HMG20A: variants seen among roughly 807,000 people sequenced by gnomAD.
The protein encoded by HMG20A is high mobility group 20A.
Under a neutral mutation model 43.9 loss-of-function variants are expected in HMG20A, and 17 were observed. The ratio of observed to expected loss-of-function variants is 0.39; its 90% CI spans 0.27 to 0.58. The LOEUF (loss-of-function observed/expected upper bound fraction) is 0.58. Ranked by LOEUF, HMG20A falls within the 20% of genes least tolerant of loss-of-function variation. HMG20A has a pLI of 0.59. For synonymous variants in HMG20A, 132 were observed against 147.5 expected (o/e 0.89, Z 0.76); for missense variants, 341 against 438.2 (o/e 0.78, Z 1.98).
At chr15:77,457,006 GAAGT>G (rs1451855834) in intron 1 of HMG20A, among the ~76,000 whole-genome samples, 1 of 152,200 alleles carries the variant, frequency 6.6e-6, no homozygotes, top group Non-Finnish European at 1.5e-5. Context: ...GGTTGAGTGA[GAAGT>G]TCCTCTCTAC....
intron 1 of HMG20A, among the ~76,000 whole-genome samples, chr15:77,449,460 T>A (rs1163563813): frequency 2.0e-5 from 3 of 152,214 alleles, no homozygotes; most frequent in African/African-American, 7.2e-5. Context: ...TGATTGCTTT[T>A]AGCTAAACGT....
intron 1 of HMG20A, among the ~76,000 whole-genome samples, chr15:77,422,154 CTATT>C (rs1248056616): frequency 6.6e-6 from 1 of 152,174 alleles, no homozygotes. Flanking sequence ...AGGAATCAAT[CTATT>C]TGAAGCTTAC....
At chr15:77,461,987 T>G (rs2072709222) in intron 2 of HMG20A, among the ~76,000 whole-genome samples, 1 of 152,174 alleles carries the variant, frequency 6.6e-6, no homozygotes, top group Non-Finnish European at 1.5e-5. Flanking sequence ...CTTACTCTTT[T>G]TTAAAGGACC....
chr15:77,467,536 GC>G (rs1413731676), intron 4 of HMG20A, among the ~76,000 whole-genome samples: 1 of 152,122 alleles, frequency 6.6e-6, no homozygotes, highest in Non-Finnish European at 1.5e-5. Context: ...CTCAACCAAA[GC>G]AACACCACTT....
chr15:77,481,843 AT>A (rs1411140850), intron 9 of HMG20A, among the ~76,000 whole-genome samples: 1 of 152,220 alleles, frequency 6.6e-6, no homozygotes, highest in East Asian at 1.9e-4. Flanking sequence ...GTTTGGCCTC[AT>A]TATACAAATA....
intron 7 of HMG20A, 58 bp downstream of exon 7, chr15:77,477,688 C>T: frequency 2.6e-6 from 3 of 1,159,798 alleles, no homozygotes; most frequent in Admixed American, 1.8e-5. Context: ...ACTTAGTTCT[C>T]AGAAGAAATT....
rs1595925949 is a variant in HMG20A at position 77,464,458 on chromosome 15, T to C, written c.237+71T>C. On this transcript the variant is annotated intron_variant, in intron 3 of 9. Coordinates refer to ENST00000336216, the MANE Select transcript of HMG20A (RefSeq NM_001304504.2). ...AAGAAGCAGTCACAAGGAAGGTGTG[T>C]TGATCAAGGTGTTCATATGACCTTC... 4.0e-6 allele frequency: 6 copies of C among 1,517,242 alleles called. No individual in the cohort carries two copies. In the East Asian group the frequency reaches 1.4e-4, roughly 35 times the overall value. The allele number at this position is 1,517,242 out of a possible 1,614,324, so 94.0% of individuals were successfully genotyped here.
At chr15:77,446,980 G>A (rs912959171) in intron 1 of HMG20A, among the ~76,000 whole-genome samples, 19 of 152,118 alleles carry the variant, frequency 1.2e-4, no homozygotes, top group African/African-American at 4.1e-4. Flanking sequence ...TCTAGAGGGA[G>A]TAAGGCTTTA....
Position 77,420,937 on chromosome 15 carries a change from G to A in HMG20A, c.-72G>A, listed in dbSNP as rs554786031. ...AGTGAAGGCGATTGAGAGGGGCTGAGGGAATTGTCCTCTGTGGAAGGGACT... is the reference window on the plus strand; with the variant it reads ...AGTGAAGGCGATTGAGAGGGGCTGAAGGAATTGTCCTCTGTGGAAGGGACT... On this transcript the variant is annotated 5_prime_UTR_variant, in exon 1 of 10. Transcript: ENST00000336216. 18 of 398,606 alleles carry A rather than the reference G, an allele frequency of 4.5e-5. No individual in the cohort carries two copies. Among genetic ancestry groups the A allele is most frequent in the Admixed American group, 3.5e-4 (8 of 22,722 alleles). The allele number at this position is 398,606 out of a possible 1,614,324, so 24.7% of individuals were successfully genotyped here.
At chr15:77,449,937 G>C (rs540287167) in intron 1 of HMG20A, among the ~76,000 whole-genome samples, 2 of 151,746 alleles carry the variant, frequency 1.3e-5, no homozygotes, top group Admixed American at 1.3e-4. Flanking sequence ...TAAAAATGCC[G>C]TGTTCCACCT....
the HMG20A span, among the ~76,000 whole-genome samples, chr15:77,501,657 A>G: frequency 6.6e-6 from 1 of 152,220 alleles, no homozygotes; most frequent in Non-Finnish European, 1.5e-5. Context: ...CAGCTATTTG[A>G]CATCTCACTT....
chr15:77,498,631 T>A, the HMG20A span, among the ~76,000 whole-genome samples: 1 of 152,210 alleles, frequency 6.6e-6, no homozygotes, highest in Non-Finnish European at 1.5e-5. Flanking sequence ...TTGTTAGCAC[T>A]GGTGCAGCCT....
At chr15:77,440,328 G>A (rs1478006542) in intron 1 of HMG20A, among the ~76,000 whole-genome samples, 1 of 152,148 alleles carries the variant, frequency 6.6e-6, no homozygotes, top group Non-Finnish European at 1.5e-5. Flanking sequence ...GTGAACTTTT[G>A]TTGGTTTACA....
chr15:77,501,642 T>C, the HMG20A span, among the ~76,000 whole-genome samples: 14 of 152,336 alleles, frequency 9.2e-5, no homozygotes, highest in African/African-American at 3.4e-4. Context: ...GATTCAGATA[T>C]GTGACAGCTA....
At chr15:77,477,243 G>C (rs1175517245) in intron 6 of HMG20A, among the ~76,000 whole-genome samples, 1 of 152,136 alleles carries the variant, frequency 6.6e-6, no homozygotes, top group African/African-American at 2.4e-5. Flanking sequence ...ACTGTATACT[G>C]TTGACTATTC....
At chr15:77,497,574 T>C in the HMG20A span, among the ~76,000 whole-genome samples, 1 of 152,094 alleles carries the variant, frequency 6.6e-6, no homozygotes, top group Non-Finnish European at 1.5e-5. Context: ...TCTGCCCTGC[T>C]GCCTGCCAAG....
At chr15:77,443,635 A>G (rs1437484563) in intron 1 of HMG20A, among the ~76,000 whole-genome samples, 1 of 151,360 alleles carries the variant, frequency 6.6e-6, no homozygotes, top group African/African-American at 2.4e-5. Context: ...CAAGTGATCC[A>G]CCCATCTCTG....
chr15:77,458,739 C>T (rs1034082130), intron 2 of HMG20A, among the ~76,000 whole-genome samples: 1 of 152,190 alleles, frequency 6.6e-6, no homozygotes, highest in Non-Finnish European at 1.5e-5. Flanking sequence ...ACACTGGTGA[C>T]TCCAGTTAAG....
chr15:77,492,814 G>A, the HMG20A span, among the ~76,000 whole-genome samples: 9 of 152,094 alleles, frequency 5.9e-5, no homozygotes, highest in East Asian at 1.7e-3. Flanking sequence ...CTGTCTCCAA[G>A]GAAAATAAAT....
Sources: allele counts gnomAD v4.1 joint callset (sites outside exome capture counted in the v4.1 genomes callset), GRCh38; gene constraint gnomAD v4.1.1; transcripts MANE v1.5; gene names NCBI Gene and HGNC (gene_info 2026-07-23, HGNC 2026-07-21).